MTMR7: variants seen among roughly 807,000 people sequenced by gnomAD.
MTMR7 encodes phosphatidylinositol-3-phosphate phosphatase MTMR7.
In MTMR7, 76 loss-of-function variants were observed where a neutral mutation model predicts 81.2. That is an observed-to-expected ratio of 0.94 (90% CI 0.78 to 1.13). MTMR7 has a LOEUF of 1.13. Ranked by LOEUF, MTMR7 falls within the 50% of genes most tolerant of loss-of-function variation. The pLI is 0.00. For synonymous variants in MTMR7, 372 were observed against 289.8 expected, an observed-to-expected ratio of 1.28 and a Z score of -2.88; for missense variants, 1,044 against 820.0, an observed-to-expected ratio of 1.27 and a Z score of -3.34.
chr8:17,318,749 A>T (rs761802401), intron 7 of MTMR7, among the ~76,000 whole-genome samples: 2 of 152,162 alleles, frequency 1.3e-5, no homozygotes, highest in Non-Finnish European at 2.9e-5. Flanking sequence ...TGCCCACTCC[A>T]ATCTGTCCTC....
chr8:17,312,111 T>TA (rs1270086575), intron 8 of MTMR7, among the ~76,000 whole-genome samples: 4 of 152,068 alleles, frequency 2.6e-5, no homozygotes. Context: ...AAAACAAAAG[T>TA]AAAAATGACA....
chr8:17,307,228 T>C (rs536887712), intron 10 of MTMR7, among the ~76,000 whole-genome samples: 86 of 152,112 alleles, frequency 5.7e-4, no homozygotes, highest in Non-Finnish European at 1.0e-3. Flanking sequence ...GGGCAAAGGA[T>C]ATGAAAAGAC....
At chr8:17,379,888 C>A (rs1043701366) in intron 1 of MTMR7, among the ~76,000 whole-genome samples, 5 of 152,076 alleles carry the variant, frequency 3.3e-5, no homozygotes, top group Non-Finnish European at 5.9e-5. Context: ...TCTGAAGGCA[C>A]CGTTTCATTG....
In MTMR7 at chr8:17,373,152, A is replaced by T. The variant is rs908128088; in HGVS notation, c.113T>A (p.Val38Glu). ...TTTTCTTGGGTCAGGTGAATTTTCC[A>T]CGAATATGACATGGGTAGCCGTCAA... ...LYLTATHVIF[V>E]ENSPDPRKET... The change falls in exon 2 of 14, where the codon GTG (valine) becomes GAG (glutamate). Residue 38 changes from valine to glutamate, a missense_variant. Val to Glu is a moderately radical substitution (Grantham distance 121). Coordinates refer to ENST00000180173, the MANE Select transcript of MTMR7 (RefSeq NM_004686.5). 57 of 1,613,780 alleles carry T rather than the reference A, an allele frequency of 3.5e-5. No individual in the cohort carries two copies. The highest frequency in any genetic ancestry group is 4.7e-5 in the Non-Finnish European group (56 of 1,179,862).
At chr8:17,397,525 T>C (rs540853189) in intron 1 of MTMR7, among the ~76,000 whole-genome samples, 1 of 152,224 alleles carries the variant, frequency 6.6e-6, no homozygotes, top group African/African-American at 2.4e-5. Context: ...GACTTTGTCT[T>C]GTGTTTTGAG....
At position 17,361,129 on chromosome 8, in the gene MTMR7, A is replaced by G. The variant is rs1820046965; in HGVS notation, c.456T>C (p.Asn152=). The G allele has an allele frequency of 6.2e-7, 1 of 1,614,138 alleles. No individual in the cohort carries two copies. Among genetic ancestry groups the G allele is most frequent in the Non-Finnish European group, 8.5e-7 (1 of 1,180,018 alleles). ...TTCACGCACTCACTCTGTAGTCTCT[A>G]TTCACATCGCTGAGCTGCCAGTAAT... The part of the protein sequence containing the change: ...PNHYWQLSDV[N]RDYRVCDSYP... Residue 152 remains asparagine (N), a synonymous_variant, in exon 4 of 14, where the codon AAT becomes AAC. Transcript: ENST00000180173.
intron 1 of MTMR7, among the ~76,000 whole-genome samples, chr8:17,381,005 G>C (rs1198216009): frequency 6.6e-6 from 1 of 152,108 alleles, no homozygotes; most frequent in Non-Finnish European, 1.5e-5. Context: ...TAATGAAAGA[G>C]ACAGAACACT....
At chr8:17,315,392 G>A (rs539703758) in intron 7 of MTMR7, among the ~76,000 whole-genome samples, 3 of 128,580 alleles carry the variant, frequency 2.3e-5, no homozygotes, top group East Asian at 2.3e-4. Flanking sequence ...AGAAAACTAC[G>A]ACAGTGGTTA....
At chr8:17,387,258 C>T (rs1023870883) in intron 1 of MTMR7, among the ~76,000 whole-genome samples, 4 of 152,206 alleles carry the variant, frequency 2.6e-5, no homozygotes, top group Non-Finnish European at 5.9e-5. Flanking sequence ...CTACCAATAT[C>T]TATTTAGCCT....
rs1393157378 is a variant in MTMR7 at position 17,298,796 on chromosome 8, C to G, written c.*1066G>C. 1 of 152,518 alleles carries G rather than the reference C, an allele frequency of 6.6e-6. No individual in the cohort carries two copies. Among genetic ancestry groups the G allele is most frequent in the Non-Finnish European group, 1.5e-5 (1 of 68,008 alleles). 9.4% of individuals were successfully genotyped at this position (152,518 alleles called of 1,614,324 possible). ...TCATAAGATAGGGGAGGGACTCTCC[C>G]TTAAATGTGCAGTGTAACAAAACAA... On this transcript the variant is annotated 3_prime_UTR_variant, in exon 14 of 14. Transcript: ENST00000180173.
Position 17,348,946 on chromosome 8 carries a change from G to C in MTMR7, c.597+7C>G, listed in dbSNP as rs765914723. On this transcript the variant is annotated splice_region_variant and intron_variant, in intron 5 of 13. Transcript: ENST00000180173. Reference sequence around the variant, plus strand: ...AGTGTAAAACAAAAACACGCCTCGAGACTTACGTGGTTATCTTTATAATAG... The same window carrying C: ...AGTGTAAAACAAAAACACGCCTCGACACTTACGTGGTTATCTTTATAATAG... The C allele has an allele frequency of 6.2e-7, 1 of 1,613,648 alleles. No individual in the cohort carries two copies. The highest frequency in any genetic ancestry group is 8.5e-7 in the Non-Finnish European group (1 of 1,179,922).
At chr8:17,312,404 G>A (rs1370403442) in intron 8 of MTMR7, among the ~76,000 whole-genome samples, 11 of 151,868 alleles carry the variant, frequency 7.2e-5, no homozygotes, top group African/African-American at 2.7e-4. Context: ...GTGAAACCCC[G>A]TCTCTACTAA....
intron 3 of MTMR7, among the ~76,000 whole-genome samples, chr8:17,368,383 G>A (rs923826297): frequency 2.0e-5 from 3 of 152,080 alleles, no homozygotes; most frequent in Non-Finnish European, 2.9e-5. Context: ...TAAATAAACT[G>A]AAAATATGTG....
At position 17,348,985 on chromosome 8, in the gene MTMR7, G is replaced by A; in HGVS notation, c.565C>T (p.Pro189Ser). Residue 189 changes from proline to serine, a missense_variant, in exon 5 of 14, where the codon CCT becomes TCT. Transcript: ENST00000180173. ...SSKFRSRRRF[P>S]VLSYYYKDNH... The stretch of plus-strand genomic sequence containing the variant: ...TCTTTATAATAGTAAGAAAGGACAG[G>A]AAATCGCCGTCTACTCCGGAATTTG... 2 of 1,613,584 alleles carry A rather than the reference G, an allele frequency of 1.2e-6. No homozygotes were observed. Among genetic ancestry groups the A allele is most frequent in the Non-Finnish European group, 1.7e-6 (2 of 1,179,944 alleles).
chr8:17,387,719 T>A (rs1435602577), intron 1 of MTMR7, among the ~76,000 whole-genome samples: 5 of 152,188 alleles, frequency 3.3e-5, no homozygotes, highest in Non-Finnish European at 7.3e-5. Context: ...CTCTAATTCC[T>A]ATACGTAAAA....
At chr8:17,412,384 C>G (rs1336802082) in intron 1 of MTMR7, among the ~76,000 whole-genome samples, 1 of 152,126 alleles carries the variant, frequency 6.6e-6, no homozygotes, top group Non-Finnish European at 1.5e-5. Context: ...TGCAAAAACG[C>G]AAGGAGCTGT....
intron 13 of MTMR7, 57 bp downstream of exon 13, chr8:17,302,097 C>A (rs777062164): frequency 1.2e-6 from 2 of 1,605,582 alleles, no homozygotes; most frequent in Non-Finnish European, 1.7e-6. Flanking sequence ...TTTCATGAAG[C>A]CTTGCTCTTC....
chr8:17,369,613 GAGTAT>G (rs1220297470), intron 3 of MTMR7, among the ~76,000 whole-genome samples: 4 of 149,370 alleles, frequency 2.7e-5, no homozygotes, highest in Non-Finnish European at 5.9e-5. Flanking sequence ...AAGAAACTTA[GAGTAT>G]AGTAGAGTAT....
chr8:17,356,891 GC>G (rs934061798), intron 4 of MTMR7, among the ~76,000 whole-genome samples: 4 of 152,070 alleles, frequency 2.6e-5, no homozygotes, highest in Non-Finnish European at 1.5e-5. Flanking sequence ...TTGCAAGCAG[GC>G]CAATATGTCC....
Sources: allele counts gnomAD v4.1 joint callset (sites outside exome capture counted in the v4.1 genomes callset), GRCh38; gene constraint gnomAD v4.1.1; transcripts MANE v1.5; gene names NCBI Gene and HGNC (gene_info 2026-07-23, HGNC 2026-07-21).